The following FRAS1 variants were observed in gnomAD, a reference collection of about 807,000 sequenced individuals.
FRAS1 encodes the protein Fraser extracellular matrix complex subunit 1.
In FRAS1, 290 loss-of-function variants were observed where a neutral mutation model predicts 435.2. That is an observed-to-expected ratio of 0.67 (90% confidence interval 0.61 to 0.73). The LOEUF (loss-of-function observed/expected upper bound fraction) is 0.73. Ranked by LOEUF, FRAS1 falls within the 30% of genes least tolerant of loss-of-function variation. The pLI is 0.00. For missense variants in FRAS1, 4,860 were observed against 5,001.5 expected (o/e 0.97, Z 0.85); for synonymous variants, 1,800 against 1,851.0 (o/e 0.97, Z 0.71).
chr4:78,363,432 CT>C, intron 20 of FRAS1, 80 bp from the exon 21 acceptor site: 12 of 1,376,632 alleles, frequency 8.7e-6, no homozygotes, highest in Non-Finnish European at 1.1e-5. Context: ...TAATTGAAAT[CT>C]CTTCTGCCCT....
At chr4:78,113,334 T>C (rs1286916429) in intron 2 of FRAS1, among the ~76,000 whole-genome samples, 3 of 152,184 alleles carry the variant, frequency 2.0e-5, no homozygotes, top group Non-Finnish European at 4.4e-5. Context: ...ATCCTTTGGG[T>C]ATGTAACCAG....
intron 14 of FRAS1, among the ~76,000 whole-genome samples, chr4:78,292,765 T>C (rs971704915): frequency 1.1e-4 from 17 of 152,188 alleles, no homozygotes; most frequent in Non-Finnish European, 2.1e-4. Flanking sequence ...TCCATGGCCC[T>C]TGCAACATAC....
At chr4:78,329,671 C>A (rs984732027) in intron 18 of FRAS1, among the ~76,000 whole-genome samples, 1 of 152,216 alleles carries the variant, frequency 6.6e-6, no homozygotes, top group Non-Finnish European at 1.5e-5. Flanking sequence ...TGGAATACTT[C>A]GGATTTCTGT....
In FRAS1 at chr4:78,464,098, A is replaced by C. The variant is rs775538284; in HGVS notation, c.6841A>C (p.Lys2281Gln). Residue 2281 changes from lysine (K) to glutamine (Q), a missense_variant, in exon 48 of 74, where the codon AAA becomes CAA. Lys to Gln is a moderately conservative substitution (Grantham distance 53). Coordinates refer to ENST00000512123, the MANE Select transcript of FRAS1 (RefSeq NM_025074.7). ...VQYVHSSEAE[K>Q]HSDAFSFTLS... is the part of the protein sequence containing the mutation. ...GTATGTCCATTCTAGTGAGGCTGAG[A>C]AACATTCAGATGCCTTCAGCTTTAC... is the stretch of plus-strand genomic sequence containing the variant. 5.5e-5 allele frequency: 89 copies of C among 1,613,722 alleles called. No individual in the cohort carries two copies. The South Asian group carries it at 9.8e-4, about 18-fold the overall frequency.
chr4:78,089,446 A>T (rs1457159879), intron 2 of FRAS1, among the ~76,000 whole-genome samples: 1 of 152,100 alleles, frequency 6.6e-6, no homozygotes, highest in Non-Finnish European at 1.5e-5. Flanking sequence ...AAAGTTAAAA[A>T]AAATAACAGT....
At chr4:78,482,967 G>A (rs1277412103) in intron 58 of FRAS1, among the ~76,000 whole-genome samples, 1 of 152,214 alleles carries the variant, frequency 6.6e-6, no homozygotes, top group African/African-American at 2.4e-5. Context: ...AGGTGTGATA[G>A]GAGTCTATCT....
chr4:78,281,855 G>A (rs1727346259), intron 11 of FRAS1, among the ~76,000 whole-genome samples: 1 of 152,126 alleles, frequency 6.6e-6, no homozygotes, highest in South Asian at 2.1e-4. Flanking sequence ...GTTGTCTACA[G>A]GACAATGTTA....
chr4:78,527,003 C>T (rs1721555677), intron 70 of FRAS1, among the ~76,000 whole-genome samples: 1 of 152,108 alleles, frequency 6.6e-6, no homozygotes, highest in Admixed American at 6.5e-5. Flanking sequence ...TCTAGTATTT[C>T]TAAGCATCAG....
intron 14 of FRAS1, among the ~76,000 whole-genome samples, chr4:78,288,202 G>C (rs780339208): frequency 2.6e-5 from 4 of 152,180 alleles, no homozygotes; most frequent in Non-Finnish European, 4.4e-5. Context: ...ACCTTTATAA[G>C]TGTCTAATGG....
At chr4:78,304,657 G>A (rs1166222518) in intron 14 of FRAS1, among the ~76,000 whole-genome samples, 1 of 151,996 alleles carries the variant, frequency 6.6e-6, no homozygotes, top group Non-Finnish European at 1.5e-5. Flanking sequence ...TTGCGTAGAG[G>A]TGTTTGTAGT....
Position 78,317,348 on chromosome 4 carries a change from C to T in FRAS1, c.1820-20C>T, listed in dbSNP as rs758196882. 1 of 1,613,496 alleles carries T rather than the reference C, an allele frequency of 6.2e-7. No individual in the cohort carries two copies. Among genetic ancestry groups the T allele is most frequent in the South Asian group, 1.1e-5 (1 of 91,044 alleles). On this transcript the variant is annotated intron_variant, in intron 16 of 73. Coordinates refer to ENST00000512123, the MANE Select transcript of FRAS1 (RefSeq NM_025074.7). ...TTCACCCATGTCCCATGGCGTTCTC[C>T]CTCTCACTCTCTTCCTCAGTTTGTC...
intron 58 of FRAS1, among the ~76,000 whole-genome samples, chr4:78,487,932 C>T (rs771902030): frequency 6.6e-6 from 1 of 152,136 alleles, no homozygotes; most frequent in Non-Finnish European, 1.5e-5. Flanking sequence ...TTGTTTTTAA[C>T]CATGATTTGA....
At chr4:78,230,677 TGAA>T (rs1724480115) in intron 2 of FRAS1, among the ~76,000 whole-genome samples, 1 of 152,162 alleles carries the variant, frequency 6.6e-6, no homozygotes, top group African/African-American at 2.4e-5. Context: ...CCTCCAGAAA[TGAA>T]GACATGAGAC....
chr4:78,429,297 C>A, intron 36 of FRAS1, 71 bp downstream of exon 36: 1 of 1,497,170 alleles, frequency 6.7e-7, no homozygotes, highest in South Asian at 1.3e-5. Flanking sequence ...CTTCAAACCT[C>A]TTGATGGTTG....
At chr4:78,123,539 T>G (rs1719157465) in intron 2 of FRAS1, among the ~76,000 whole-genome samples, 1 of 152,208 alleles carries the variant, frequency 6.6e-6, no homozygotes, top group Admixed American at 6.5e-5. Flanking sequence ...TTGATGGGAA[T>G]AGCATTGAAT....
In FRAS1 at chr4:78,479,633, G is replaced by T; in HGVS notation, c.8358G>T (p.Ala2786=). The T allele has an allele frequency of 6.2e-7, 1 of 1,613,802 alleles. No individual in the cohort carries two copies. The highest frequency in any genetic ancestry group is 1.7e-5 in the Admixed American group (1 of 60,028). The change falls in exon 56 of 74, where the codon GCG becomes GCT. Residue 2786 remains alanine (A), a synonymous_variant. Transcript: ENST00000512123. The part of the protein sequence containing the change: ...ASDNARIGRV[A]TAKVLISGPN... Reference sequence around the variant, plus strand: ...ACAATGCCCGCATTGGAAGGGTGGCGACAGCCAAGGTGCTCATTAGTGGTC... The same window carrying T: ...ACAATGCCCGCATTGGAAGGGTGGCTACAGCCAAGGTGCTCATTAGTGGTC...
At chr4:78,238,596 T>A (rs1351880453) in intron 3 of FRAS1, among the ~76,000 whole-genome samples, 5 of 152,112 alleles carry the variant, frequency 3.3e-5, no homozygotes, top group African/African-American at 1.2e-4. Flanking sequence ...CCTGAGAAGC[T>A]GGGAGTACTT....
At chr4:78,485,378 G>A (rs191338961) in intron 58 of FRAS1, among the ~76,000 whole-genome samples, 102 of 152,250 alleles carry the variant, frequency 6.7e-4, no homozygotes, top group Middle Eastern at 3.4e-3. Flanking sequence ...ATATTTTTCA[G>A]TATTTTATTG....
At chr4:78,517,581 G>A (rs192218156) in intron 66 of FRAS1, among the ~76,000 whole-genome samples, 1 of 152,274 alleles carries the variant, frequency 6.6e-6, no homozygotes, top group East Asian at 1.9e-4. Flanking sequence ...ATAGAACTTA[G>A]AACTAAGGCC....
Sources: gnomAD v4.1 joint callset for allele counts (sites outside exome capture counted in the v4.1 genomes callset) on GRCh38, gnomAD v4.1.1 for gene constraint, MANE v1.5 for transcripts, NCBI Gene and HGNC (gene_info 2026-07-23, HGNC 2026-07-21) for gene names.